Variants in PACSIN2 observed in about 807,000 individuals in gnomAD.
PACSIN2 encodes protein kinase C and casein kinase substrate in neurons protein 2.
PACSIN2 carries 25 observed loss-of-function variants against 63.8 expected under a neutral mutation model. The observed-to-expected ratio is 0.39, with a 90% CI of 0.29 to 0.55. PACSIN2 has a LOEUF of 0.55. PACSIN2 is among the 20% of genes least tolerant of loss of function. The pLI is 0.62. For missense variants in PACSIN2, 518 were observed against 646.9 expected, an observed-to-expected ratio of 0.80 and a Z score of 2.16; for synonymous variants, 255 against 256.2, an observed-to-expected ratio of 1.00 and a Z score of 0.05.
intron 2 of PACSIN2, among the ~76,000 whole-genome samples, chr22:42,898,509 G>A (rs906974968): frequency 1.1e-4 from 16 of 152,104 alleles, no homozygotes; most frequent in Non-Finnish European, 2.2e-4. Flanking sequence ...GAACTCAGGT[G>A]ATCTGCCCAC....
intron 1 of PACSIN2, among the ~76,000 whole-genome samples, chr22:42,944,515 AAC>A (rs1933320652): frequency 6.6e-6 from 1 of 152,246 alleles, no homozygotes; most frequent in Non-Finnish European, 1.5e-5. Context: ...CAAGGCAGAT[AAC>A]AGTTACCAAC....
Position 42,921,752 on chromosome 22 carries a change from T to C in PACSIN2, c.-77-9595A>G, listed in dbSNP as rs557290432. On this transcript the variant is annotated intron_variant, in intron 1 of 10. Coordinates refer to ENST00000263246, the MANE Select transcript of PACSIN2 (RefSeq NM_001184970.3). Reference sequence around the variant, plus strand: ...CTTCATTTAGAAGCTTTTTTTTTTTTTTAGACAGAATCTTGCTTTGTCATT... The same window carrying C: ...CTTCATTTAGAAGCTTTTTTTTTTTCTTAGACAGAATCTTGCTTTGTCATT... 1.7e-4 allele frequency among the ~76,000 whole-genome samples: 26 copies of C among 152,106 alleles called. 1 individual carries two copies. The South Asian group carries it at 5.0e-3, about 29-fold the overall frequency.
At chr22:42,912,723 T>G (rs371819620) in intron 1 of PACSIN2, among the ~76,000 whole-genome samples, 1 of 152,154 alleles carries the variant, frequency 6.6e-6, no homozygotes, top group Non-Finnish European at 1.5e-5. Context: ...ATTTCCCCTG[T>G]TGGAGGGAAG....
intron 1 of PACSIN2, among the ~76,000 whole-genome samples, chr22:42,974,752 A>G (rs1921567652): frequency 6.6e-6 from 1 of 150,692 alleles, no homozygotes; most frequent in South Asian, 2.1e-4. Context: ...TTGTCTCAAA[A>G]AAAAAAAAAA....
intron 1 of PACSIN2, among the ~76,000 whole-genome samples, chr22:42,977,771 C>G (rs1921809351): frequency 6.6e-6 from 1 of 152,138 alleles, no homozygotes; most frequent in South Asian, 2.1e-4. Flanking sequence ...GGCACTTCCC[C>G]CCTCACGCTC....
At chr22:43,013,991 C>G (rs537289919) in intron 1 of PACSIN2, among the ~76,000 whole-genome samples, 1 of 152,286 alleles carries the variant, frequency 6.6e-6, no homozygotes, top group South Asian at 2.1e-4. Context: ...ACGTCAAAGG[C>G]TGCAGCCGTG....
Position 42,879,006 on chromosome 22 carries a change from C to G in PACSIN2, c.1028+42G>C, listed in dbSNP as rs749736086. 5.6e-6 allele frequency: 9 copies of G among 1,593,878 alleles called. No homozygotes were observed. In the African/African-American group the frequency reaches 1.2e-4, roughly 21 times the overall value. On this transcript the variant is annotated intron_variant, in intron 8 of 10. Coordinates refer to ENST00000263246, the MANE Select transcript of PACSIN2 (RefSeq NM_001184970.3). ...CCATGCAGATTGCCCAGGGCCCCCA[C>G]CATGGAACGGCCTCTTTTGGATGGA... is the stretch of plus-strand genomic sequence containing the variant.
At chr22:42,936,261 G>A (rs996898847) in intron 1 of PACSIN2, among the ~76,000 whole-genome samples, 2 of 152,050 alleles carry the variant, frequency 1.3e-5, no homozygotes, top group Non-Finnish European at 2.9e-5. Context: ...ATGAAACAGG[G>A]ATGACAATGC....
At chr22:42,981,483 C>A (rs866960052) in intron 1 of PACSIN2, among the ~76,000 whole-genome samples, 2 of 18,276 alleles carry the variant, frequency 1.1e-4, no homozygotes, top group African/African-American at 5.8e-4. Context: ...AGGGAGGCGG[C>A]GGGGGGGGTC....
At chr22:42,947,678 G>GGA (rs909127493) in intron 1 of PACSIN2, among the ~76,000 whole-genome samples, 2 of 139,978 alleles carry the variant, frequency 1.4e-5, no homozygotes, top group African/African-American at 5.1e-5. Flanking sequence ...CTGGGGGTGG[G>GGA]GGGGGGGACC....
rs71311476 is a variant in PACSIN2, at chr22:43,012,154, AATACATACATACATACATAC to A, written c.-78+2847_-78+2866del. On this transcript the variant is annotated intron_variant, in intron 1 of 10. Transcript: ENST00000263246. ...GCGAGACTCTGTCTCAAAATAAATA[AATACATACATACATACATAC>A]ATACATACATACATACATACATACA... is the stretch of plus-strand genomic sequence containing the variant. Among the ~76,000 whole-genome samples, 102 of 134,002 alleles carry A rather than the reference AATACATACATACATACATAC, an allele frequency of 7.6e-4. 1 individual carries two copies. The highest frequency in any genetic ancestry group is 2.6e-3 in the African/African-American group (89 of 34,226). The allele number at this position is 134,002 out of a possible 152,430, so 87.9% of individuals were successfully genotyped here. A position where few individuals can be genotyped will look rare whatever the true frequency, so the allele number is the denominator to read the frequency against.
Position 42,912,072 on chromosome 22 carries a change from G to A in PACSIN2, c.9C>T (p.Val3=). Residue 3 remains valine, a synonymous_variant, in exon 2 of 11, where the codon GTC becomes GTT. Transcript: ENST00000263246. MS[V]TYDDSVGVEV... ...CTACTCCAACGGAATCATCATATGT[G>A]ACAGACATTTTTTCAAAGGCTGAGG... The A allele has an allele frequency of 6.3e-7, 1 of 1,598,224 alleles. No homozygotes were observed. The highest frequency in any genetic ancestry group is 8.5e-7 in the Non-Finnish European group (1 of 1,174,198).
intron 1 of PACSIN2, among the ~76,000 whole-genome samples, chr22:42,977,375 G>T (rs1444809260): frequency 6.6e-6 from 1 of 152,058 alleles, no homozygotes; most frequent in Non-Finnish European, 1.5e-5. Flanking sequence ...AAGGATATAG[G>T]TATGGAATTC....
At chr22:42,903,545 G>A (rs1402365328) in intron 2 of PACSIN2, among the ~76,000 whole-genome samples, 1 of 152,052 alleles carries the variant, frequency 6.6e-6, no homozygotes, top group Non-Finnish European at 1.5e-5. Flanking sequence ...ACTCGTCCTG[G>A]TCCCCAAACT....
In PACSIN2 at chr22:42,923,136, C is replaced by CA. The variant is rs563694540; in HGVS notation, c.-77-10980dup. The stretch of plus-strand genomic sequence containing the variant: ...ATCATAGATAAGCTGCATGGTAACT[C>CA]AGAGTTTTGTACCCATGCTACTGGT... On this transcript the variant is annotated intron_variant, in intron 1 of 10. Transcript: ENST00000263246. Among the ~76,000 whole-genome samples, 73 of 152,304 alleles carry CA rather than the reference C, an allele frequency of 4.8e-4. No individual in the cohort carries two copies. In the South Asian group the frequency reaches 7.5e-3, roughly 16 times the overall value.
intron 9 of PACSIN2, 35 bp downstream of exon 9, chr22:42,876,853 C>T (rs763993291): frequency 2.5e-5 from 40 of 1,613,044 alleles, no homozygotes; most frequent in Admixed American, 3.3e-5. Flanking sequence ...ACAGAGTGAG[C>T]GCGGTGGGAG....
rs769238880 is a variant in PACSIN2 at position 42,879,038 on chromosome 22, G to A, written c.1028+10C>T. ...ACGGCCTCTTTTGGATGGAGGTGGCGCCCACTCACCTGCTGGGCTTACTCG... is the reference window on the plus strand; with the variant it reads ...ACGGCCTCTTTTGGATGGAGGTGGCACCCACTCACCTGCTGGGCTTACTCG... On this transcript the variant is annotated intron_variant, in intron 8 of 10. Coordinates refer to ENST00000263246, the MANE Select transcript of PACSIN2 (RefSeq NM_001184970.3). 2.1e-5 allele frequency: 34 copies of A among 1,610,970 alleles called. No individual in the cohort carries two copies. The highest frequency in any genetic ancestry group is 2.0e-4 in the Admixed American group (12 of 59,798).
chr22:42,986,187 A>C (rs1044021027), intron 1 of PACSIN2, among the ~76,000 whole-genome samples: 1 of 152,212 alleles, frequency 6.6e-6, no homozygotes, highest in Admixed American at 6.5e-5. Flanking sequence ...TAGGAGATTT[A>C]AAAGAGGTAA....
chr22:42,896,963 G>T (rs1438054635), intron 2 of PACSIN2, among the ~76,000 whole-genome samples: 3 of 151,986 alleles, frequency 2.0e-5, no homozygotes, highest in African/African-American at 7.3e-5. Flanking sequence ...TTGAGACAGG[G>T]TCTTGCTTTG....
Sources: allele counts gnomAD v4.1 joint callset (sites outside exome capture counted in the v4.1 genomes callset), GRCh38; gene constraint gnomAD v4.1.1; transcripts MANE v1.5; gene names NCBI Gene and HGNC (gene_info 2026-07-23, HGNC 2026-07-21).